Variants in RAD54L2 observed in about 807,000 individuals in gnomAD.
RAD54L2 encodes helicase ARIP4.
Under a neutral mutation model 138.4 loss-of-function variants are expected in RAD54L2, and 27 were observed. The observed-to-expected ratio is 0.20, with a 90% CI of 0.14 to 0.27. The LOEUF (loss-of-function observed/expected upper bound fraction) is 0.27, where lower values mean the gene tolerates loss of function less well. Among genes scored for constraint, RAD54L2 ranks in the 10% least tolerant of loss-of-function variants. The probability of loss-of-function intolerance (pLI) is 1.00; values close to 1 mark genes in which losing one functional copy is unlikely to be tolerated. For missense variants in RAD54L2, 1,396 were observed against 1,890.2 expected (o/e 0.74, Z 4.85); for synonymous variants, 644 against 723.2 (o/e 0.89, Z 1.76).
chr3:51,583,035 GA>G (rs1294489007), intron 2 of RAD54L2, among the ~76,000 whole-genome samples: 6 of 151,942 alleles, frequency 3.9e-5, no homozygotes, highest in Non-Finnish European at 8.8e-5. Context: ...AAAGTGCTAG[GA>G]TTACAGGCAT....
Position 51,590,468 on chromosome 3 carries a change from C to T in RAD54L2, c.48C>T (p.Asp16=), listed in dbSNP as rs545754657. The T allele has an allele frequency of 9.0e-6, 14 of 1,551,464 alleles. No individual in the cohort carries two copies. Among genetic ancestry groups the T allele is most frequent in the South Asian group, 8.3e-5 (7 of 83,888 alleles). The change falls in exon 3 of 23, where the codon GAC becomes GAT. Residue 16 remains aspartate, a synonymous_variant. Transcript: ENST00000684192. Reference sequence around the variant, plus strand: ...GGAGCGATCCAGACCTGGACCCGGACGTGGAGCTGGAGGATGCGGAAGAGG... The same window carrying T: ...GGAGCGATCCAGACCTGGACCCGGATGTGGAGCTGGAGGATGCGGAAGAGG... ...ASGSDPDLDP[D]VELEDAEEEE...
chr3:51,550,920 C>T (rs1442809035), intron 2 of RAD54L2, among the ~76,000 whole-genome samples: 1 of 151,978 alleles, frequency 6.6e-6, no homozygotes, highest in Non-Finnish European at 1.5e-5. Context: ...GTGGTACATG[C>T]CTGTTAATCC....
At chr3:51,600,136 G>A (rs772766121) in intron 3 of RAD54L2, among the ~76,000 whole-genome samples, 2 of 151,828 alleles carry the variant, frequency 1.3e-5, no homozygotes, top group Non-Finnish European at 2.9e-5. Flanking sequence ...TAGAGACGGG[G>A]TTTCACCATG....
At chr3:51,631,861 T>C (rs1700852534) in intron 7 of RAD54L2, among the ~76,000 whole-genome samples, 1 of 152,200 alleles carries the variant, frequency 6.6e-6, no homozygotes, top group African/African-American at 2.4e-5. Context: ...TTTGAAGTCC[T>C]GAGCTCAAGC....
intron 3 of RAD54L2, among the ~76,000 whole-genome samples, chr3:51,598,626 C>T (rs1467423235): frequency 6.6e-6 from 1 of 151,990 alleles, no homozygotes; most frequent in East Asian, 1.9e-4. Flanking sequence ...CATGGTGGTG[C>T]ACGCCTGTAA....
intron 2 of RAD54L2, among the ~76,000 whole-genome samples, chr3:51,565,243 G>C (rs1006539619): frequency 9.8e-5 from 15 of 152,300 alleles, no homozygotes; most frequent in Admixed American, 5.2e-4. Context: ...AGTTAGCTTG[G>C]TGTGGTGGCA....
At chr3:51,625,898 C>T (rs964849852) in intron 3 of RAD54L2, among the ~76,000 whole-genome samples, 5 of 151,784 alleles carry the variant, frequency 3.3e-5, no homozygotes, top group Non-Finnish European at 5.9e-5. Context: ...TCATGAGAGA[C>T]CAGAATAGAC....
intron 20 of RAD54L2, among the ~76,000 whole-genome samples, chr3:51,657,351 G>A (rs1559656923): frequency 6.6e-6 from 1 of 152,158 alleles, no homozygotes; most frequent in African/African-American, 2.4e-5. Flanking sequence ...TGATTGCAAC[G>A]ATGACCAGCT....
rs1163348277 is a variant in RAD54L2 at position 51,656,112 on chromosome 3, T to C, written c.3168T>C (p.Phe1056=). 3 of 1,613,984 alleles carry C rather than the reference T, an allele frequency of 1.9e-6. No homozygotes were observed. Among genetic ancestry groups the C allele is most frequent in the Non-Finnish European group, 2.5e-6 (3 of 1,179,888 alleles). ...CCAGCACAAATCCATCCATGAACTT[T>C]CCCATCAACTACTTGCAGCGTGCAG... ...SASSTNPSMN[F]PINYLQRAGV... is the part of the protein sequence containing the mutation. The change falls in exon 20 of 23, where the codon TTT becomes TTC. Residue 1056 remains phenylalanine, a synonymous_variant. Coordinates refer to ENST00000684192, the MANE Select transcript of RAD54L2 (RefSeq NM_015106.4).
At chr3:51,568,167 TTA>T (rs1250852794) in intron 2 of RAD54L2, among the ~76,000 whole-genome samples, 1 of 152,084 alleles carries the variant, frequency 6.6e-6, no homozygotes, top group Non-Finnish European at 1.5e-5. Context: ...CAGCCCTGGT[TTA>T]TAATGTTCTG....
rs1161426398 is a variant in RAD54L2, at chr3:51,663,564, C to G, written c.*144C>G. 6 of 391,162 alleles carry G rather than the reference C, an allele frequency of 1.5e-5. No homozygotes were observed. Among genetic ancestry groups the G allele is most frequent in the Non-Finnish European group, 2.4e-5 (6 of 252,628 alleles). The allele number at this position is 391,162 out of a possible 1,614,324, so 24.2% of individuals were successfully genotyped here. A position where few individuals can be genotyped will look rare whatever the true frequency, so the allele number is the denominator to read the frequency against. ...AAAGGAGGGTGGTTGGCCAAAGTGG[C>G]AGAGCTCTGTTGCTGTTTAACAAAA... On this transcript the variant is annotated 3_prime_UTR_variant, in exon 23 of 23. Transcript: ENST00000684192.
At chr3:51,628,141 G>C (rs1466520461) in intron 4 of RAD54L2, among the ~76,000 whole-genome samples, 1 of 152,064 alleles carries the variant, frequency 6.6e-6, no homozygotes, top group Non-Finnish European at 1.5e-5. Flanking sequence ...ACTTCAAATG[G>C]TAGAGGACTG....
At chr3:51,600,298 A>G (rs1386648978) in intron 3 of RAD54L2, among the ~76,000 whole-genome samples, 2 of 152,092 alleles carry the variant, frequency 1.3e-5, no homozygotes, top group East Asian at 3.9e-4. Flanking sequence ...GACATATTAT[A>G]TGGAAAAAAG....
At chr3:51,547,680 C>T (rs1478634884) in intron 2 of RAD54L2, among the ~76,000 whole-genome samples, 1 of 150,502 alleles carries the variant, frequency 6.6e-6, no homozygotes, top group Admixed American at 6.6e-5. Context: ...CTCCTGGGTT[C>T]AAGTCATCCT....
At chr3:51,603,191 C>A (rs1308682137) in intron 3 of RAD54L2, among the ~76,000 whole-genome samples, 1 of 151,244 alleles carries the variant, frequency 6.6e-6, no homozygotes, top group Non-Finnish European at 1.5e-5. Flanking sequence ...CACCTGTAGT[C>A]CCAGTTGCTT....
At chr3:51,632,632 G>A (rs1402070985) in intron 7 of RAD54L2, among the ~76,000 whole-genome samples, 1 of 148,676 alleles carries the variant, frequency 6.7e-6, no homozygotes, top group East Asian at 2.1e-4. Context: ...GATGGCTCGT[G>A]CCTGTAATCC....
intron 3 of RAD54L2, among the ~76,000 whole-genome samples, chr3:51,597,941 G>A (rs1439430143): frequency 2.7e-5 from 4 of 146,292 alleles, no homozygotes; most frequent in Non-Finnish European, 6.0e-5. Flanking sequence ...GCTACAGAGC[G>A]AGACTTTGTC....
intron 3 of RAD54L2, among the ~76,000 whole-genome samples, chr3:51,597,277 A>T (rs186940486): frequency 5.3e-5 from 8 of 151,870 alleles, no homozygotes; most frequent in Admixed American, 4.6e-4. Flanking sequence ...CTTACTGATT[A>T]TTCTAAGAAT....
At chr3:51,545,068 G>A (rs1177230140) in intron 2 of RAD54L2, among the ~76,000 whole-genome samples, 5 of 152,142 alleles carry the variant, frequency 3.3e-5, no homozygotes, top group East Asian at 1.9e-4. Flanking sequence ...ATCTGTATCC[G>A]TTTTCTGCTC....
Sources: allele counts gnomAD v4.1 joint callset (sites outside exome capture counted in the v4.1 genomes callset), GRCh38; gene constraint gnomAD v4.1.1; transcripts MANE v1.5; gene names NCBI Gene and HGNC (gene_info 2026-07-23, HGNC 2026-07-21).